Variants in RIMS1 observed in about 807,000 individuals in gnomAD.
RIMS1 encodes the protein regulating synaptic membrane exocytosis protein 1.
A neutral mutation model predicts 214.1 loss-of-function variants in RIMS1; 83 were observed. The ratio of observed to expected loss-of-function variants is 0.39; its 90% CI spans 0.32 to 0.47. The LOEUF (loss-of-function observed/expected upper bound fraction) is 0.47, where lower values mean the gene tolerates loss of function less well. Ranked by LOEUF, RIMS1 falls within the 20% of genes least tolerant of loss-of-function variation. The pLI is 0.99. For synonymous variants in RIMS1, 793 were observed against 786.8 expected, an observed-to-expected ratio of 1.01 and a Z score of -0.13; for missense variants, 2,050 against 2,161.8, an observed-to-expected ratio of 0.95 and a Z score of 1.03.
intron 6 of RIMS1, among the ~76,000 whole-genome samples, chr6:72,218,107 CT>C (rs145835882): frequency 1.4e-5 from 2 of 145,006 alleles, no homozygotes; most frequent in African/African-American, 5.1e-5. Flanking sequence ...GGTTTTTTTG[CT>C]TTTTTTTTTT....
At chr6:72,067,013 C>G (rs906710465) in intron 2 of RIMS1, among the ~76,000 whole-genome samples, 31 of 152,258 alleles carry the variant, frequency 2.0e-4, no homozygotes, top group Admixed American at 1.8e-3. Flanking sequence ...CCTAGACCAT[C>G]CTCCACTTCA....
intron 1 of RIMS1, among the ~76,000 whole-genome samples, chr6:71,933,514 A>G (rs1000521771): frequency 2.6e-5 from 4 of 152,138 alleles, no homozygotes. Context: ...TATGTATTTG[A>G]CCATCTGCAT....
At chr6:72,305,517 C>G (rs1027677440) in intron 26 of RIMS1, among the ~76,000 whole-genome samples, 5 of 152,002 alleles carry the variant, frequency 3.3e-5, no homozygotes, top group African/African-American at 1.2e-4. Context: ...AATGATTGAG[C>G]GTGTACCCAG....
In RIMS1 at chr6:72,027,650, G is replaced by A. The variant is rs116156098; in HGVS notation, c.245+58587G>A. Reference sequence around the variant, plus strand: ...TCTTCATTTAAAACAACAGCCCTAAGAAATTTCCTTGGTCTCAGCCTCTTT... The same window carrying A: ...TCTTCATTTAAAACAACAGCCCTAAAAAATTTCCTTGGTCTCAGCCTCTTT... On this transcript the variant is annotated intron_variant, in intron 2 of 33. Transcript: ENST00000521978. Among the ~76,000 whole-genome samples, 1,314 of 152,080 alleles carry A rather than the reference G, an allele frequency of 8.6e-3. 23 individuals carry two copies. Among genetic ancestry groups the A allele is most frequent in the African/African-American group, 0.029 (1,213 of 41,484 alleles).
chr6:72,026,574 A>G (rs1224972287), intron 2 of RIMS1, among the ~76,000 whole-genome samples: 8 of 151,586 alleles, frequency 5.3e-5, no homozygotes, highest in Admixed American at 6.6e-5. Flanking sequence ...GTAAAATAAC[A>G]TATATAGGAA....
chr6:72,207,546 A>G (rs931369921), intron 6 of RIMS1, among the ~76,000 whole-genome samples: 2 of 152,210 alleles, frequency 1.3e-5, no homozygotes, highest in African/African-American at 4.8e-5. Context: ...ATAGGATGAT[A>G]AAGAAGGCAC....
intron 2 of RIMS1, among the ~76,000 whole-genome samples, chr6:72,031,063 G>A (rs986826160): frequency 6.6e-6 from 1 of 152,058 alleles, no homozygotes; most frequent in Non-Finnish European, 1.5e-5. Context: ...ACAACACATG[G>A]CATGACAGTT....
At chr6:72,249,758 G>A (rs549706746) in intron 12 of RIMS1, among the ~76,000 whole-genome samples, 1 of 152,128 alleles carries the variant, frequency 6.6e-6, no homozygotes, top group East Asian at 1.9e-4. Context: ...GACAGAGTGA[G>A]ACCATGTCTC....
intron 6 of RIMS1, among the ~76,000 whole-genome samples, chr6:72,208,333 A>C (rs1366416881): frequency 6.6e-6 from 1 of 152,120 alleles, no homozygotes; most frequent in Non-Finnish European, 1.5e-5. Context: ...AATAACATTA[A>C]ATTTGGTCCT....
intron 2 of RIMS1, among the ~76,000 whole-genome samples, chr6:71,989,952 G>A (rs1414713964): frequency 2.0e-5 from 3 of 152,138 alleles, no homozygotes; most frequent in African/African-American, 7.2e-5. Context: ...GCTGTCCATC[G>A]TGTCAGGGAC....
Position 72,149,017 on chromosome 6 carries a change from A to G in RIMS1, c.472-30558A>G, listed in dbSNP as rs11755404. On this transcript the variant is annotated intron_variant, in intron 4 of 33. Transcript: ENST00000521978. ...AGGAAAAAAAAAATCTGCCACGTAG[A>G]AAAGCTCCCTTTATTCACAGGACTT... Among the ~76,000 whole-genome samples, 1,022 of 152,250 alleles carry G rather than the reference A, an allele frequency of 6.7e-3. 12 individuals are homozygous for G. Among genetic ancestry groups the G allele is most frequent in the South Asian group, 0.02 (96 of 4,824 alleles).
At chr6:72,133,118 T>C (rs1310390725) in intron 4 of RIMS1, among the ~76,000 whole-genome samples, 1 of 152,080 alleles carries the variant, frequency 6.6e-6, no homozygotes, top group Non-Finnish European at 1.5e-5. Context: ...AAAAAGGTAA[T>C]GTGGAATTTC....
rs545114738 is a variant in RIMS1 at position 71,953,059 on chromosome 6, T to C, written c.165-15924T>C. Among the ~76,000 whole-genome samples the C allele has an allele frequency of 4.6e-5, 7 of 151,630 alleles. No homozygotes were observed. The East Asian group carries it at 1.4e-3, about 29-fold the overall frequency. Reference sequence around the variant, plus strand: ...TGGACTGCATTGGTGCGATCTCGGCTCACTTCAACCTCTGCCTCCTGGGTT... The same window carrying C: ...TGGACTGCATTGGTGCGATCTCGGCCCACTTCAACCTCTGCCTCCTGGGTT... On this transcript the variant is annotated intron_variant, in intron 1 of 33. Coordinates refer to ENST00000521978, the MANE Select transcript of RIMS1 (RefSeq NM_014989.7).
intron 27 of RIMS1, among the ~76,000 whole-genome samples, chr6:72,311,542 CAT>C (rs1400153412): frequency 5.9e-5 from 9 of 152,072 alleles, no homozygotes; most frequent in Non-Finnish European, 1.3e-4. Context: ...GATATAATAA[CAT>C]ATGAATTTCC....
intron 1 of RIMS1, among the ~76,000 whole-genome samples, chr6:71,891,866 G>C (rs1324022885): frequency 1.3e-5 from 2 of 152,136 alleles, no homozygotes; most frequent in Non-Finnish European, 2.9e-5. Flanking sequence ...TTGTAAACTT[G>C]TGCAGTGAGC....
At chr6:71,922,536 T>C (rs1780319344) in intron 1 of RIMS1, among the ~76,000 whole-genome samples, 1 of 152,194 alleles carries the variant, frequency 6.6e-6, no homozygotes, top group African/African-American at 2.4e-5. Context: ...CGAGATCCTG[T>C]CTCAAAGACA....
chr6:72,369,508 C>T (rs1344939606), intron 29 of RIMS1, among the ~76,000 whole-genome samples: 2 of 152,136 alleles, frequency 1.3e-5, no homozygotes, highest in African/African-American at 4.8e-5. Context: ...GAGAAGGGTA[C>T]ACTAGAGCTC....
At chr6:72,328,121 C>T (rs1005766548) in intron 28 of RIMS1, among the ~76,000 whole-genome samples, 1 of 151,878 alleles carries the variant, frequency 6.6e-6, no homozygotes, top group African/African-American at 2.4e-5. Flanking sequence ...GAATACTATG[C>T]AGCCATAAAA....
intron 29 of RIMS1, among the ~76,000 whole-genome samples, chr6:72,336,895 C>T (rs2096861090): frequency 6.6e-6 from 1 of 151,710 alleles, no homozygotes; most frequent in South Asian, 2.1e-4. Flanking sequence ...TAACAAAATT[C>T]AGAATTATTC....
Sources: gnomAD v4.1 joint callset for allele counts (sites outside exome capture counted in the v4.1 genomes callset) on GRCh38, gnomAD v4.1.1 for gene constraint, MANE v1.5 for transcripts, NCBI Gene and HGNC (gene_info 2026-07-23, HGNC 2026-07-21) for gene names.